PRKAG2: variants seen among roughly 807,000 people sequenced by gnomAD.
PRKAG2 encodes protein kinase AMP-activated non-catalytic subunit gamma 2, also known as 5'-AMP-activated protein kinase subunit gamma-2.
Under a neutral mutation model 69.6 loss-of-function variants are expected in PRKAG2, and 26 were observed. The ratio of observed to expected loss-of-function variants is 0.37; its 90% CI spans 0.27 to 0.52. The LOEUF is 0.52. Among genes scored for constraint, PRKAG2 ranks in the 20% least tolerant of loss-of-function variants. PRKAG2 has a pLI of 0.90. For synonymous variants in PRKAG2, 293 were observed against 285.0 expected, an observed-to-expected ratio of 1.03 and a Z score of -0.28; for missense variants, 557 against 740.0, an observed-to-expected ratio of 0.75 and a Z score of 2.87.
Position 151,632,358 on chromosome 7 carries a change from C to G in PRKAG2, c.685-220G>C, listed in dbSNP as rs1366944379. On this transcript the variant is annotated intron_variant, in intron 4 of 15. Transcript: ENST00000287878. The surrounding 1 kb of genome is among the most constrained non-coding windows in gnomAD (Gnocchi z 4.2). ...CGCCGCAGGTGGCGCGGCCGCGGCC[C>G]GCGTGCCCCTCCGCGAGTGGGACGC... 1.9e-6 allele frequency: 1 copy of G among 528,310 alleles called. No individual in the cohort carries two copies. The highest frequency in any genetic ancestry group is 8.1e-5 in the South Asian group (1 of 12,344). The allele number at this position is 528,310 out of a possible 1,614,324, so 32.7% of individuals were successfully genotyped here.
chr7:151,654,486 C>G (rs968412648), intron 4 of PRKAG2, among the ~76,000 whole-genome samples: 1 of 152,194 alleles, frequency 6.6e-6, no homozygotes, highest in Non-Finnish European at 1.5e-5. Flanking sequence ...TTTGCTATGT[C>G]AATATTCAAG....
chr7:151,587,872 T>C (rs1311862976), intron 6 of PRKAG2, among the ~76,000 whole-genome samples: 1 of 152,170 alleles, frequency 6.6e-6, no homozygotes, highest in Non-Finnish European at 1.5e-5. Context: ...CAAATAACCA[T>C]GTATCAATAT....
rs190487120 is a variant in PRKAG2, at chr7:151,613,511, T to A, written c.755-18057A>T. Among the ~76,000 whole-genome samples, 20 of 152,308 alleles carry A rather than the reference T, an allele frequency of 1.3e-4. No individual in the cohort carries two copies. In the East Asian group the frequency reaches 1.4e-3, roughly 10 times the overall value. ...AGCATTTTGGTTTTTATTTTATATA[T>A]GTTTGAGATGGAGTCTCGTTCTGTC... On this transcript the variant is annotated intron_variant, in intron 5 of 15. Transcript: ENST00000287878.
rs146925409 is a variant in PRKAG2 at position 151,600,577 on chromosome 7, T to G, written c.755-5123A>C. Among the ~76,000 whole-genome samples, 7 of 152,290 alleles carry G rather than the reference T, an allele frequency of 4.6e-5. No individual in the cohort carries two copies. The East Asian group carries it at 1.4e-3, about 29-fold the overall frequency. On this transcript the variant is annotated intron_variant, in intron 5 of 15. Coordinates refer to ENST00000287878, the MANE Select transcript of PRKAG2 (RefSeq NM_016203.4). Reference sequence around the variant, plus strand: ...CCTGGATATTTCTCTCTCAAATGTCTCCCTCCTGATGTGGAATAAATTCCA... The same window carrying G: ...CCTGGATATTTCTCTCTCAAATGTCGCCCTCCTGATGTGGAATAAATTCCA...
intron 3 of PRKAG2, among the ~76,000 whole-genome samples, chr7:151,721,055 G>T (rs1797007939): frequency 6.9e-6 from 1 of 145,952 alleles, no homozygotes; most frequent in Non-Finnish European, 1.5e-5. Context: ...AGGGTGGAGG[G>T]GCATGAAGGG....
chr7:151,723,328 G>A (rs1423528856), intron 3 of PRKAG2, among the ~76,000 whole-genome samples: 2 of 152,152 alleles, frequency 1.3e-5, no homozygotes, highest in Non-Finnish European at 2.9e-5. Context: ...TCTGGGTCTG[G>A]AAACTGGCTC....
At chr7:151,803,017 G>T (rs2077924436) in intron 1 of PRKAG2, among the ~76,000 whole-genome samples, 1 of 151,630 alleles carries the variant, frequency 6.6e-6, no homozygotes, top group South Asian at 2.1e-4. Context: ...GAGCGCAGTG[G>T]TGTGATCTCA....
rs939016196 is a variant in PRKAG2, at chr7:151,814,401, C to T, written c.115-27860G>A. ...ACTATGCATTTAGAAAGCCAGCTCC[C>T]GCAGGTCTGCTTACTCAGCCCCAAG... On this transcript the variant is annotated intron_variant, in intron 1 of 15. Coordinates refer to ENST00000287878, the MANE Select transcript of PRKAG2 (RefSeq NM_016203.4). The surrounding 1 kb of genome is among the most constrained non-coding windows in gnomAD (Gnocchi z 4.8). 1.9e-5 allele frequency: 23 copies of T among 1,224,054 alleles called. No homozygotes were observed. In the African/African-American group the frequency reaches 2.0e-4, roughly 11 times the overall value. 75.8% of individuals were successfully genotyped at this position (1,224,054 alleles called of 1,614,324 possible). A position where few individuals can be genotyped will look rare whatever the true frequency, so the allele number is the denominator to read the frequency against.
intron 1 of PRKAG2, chr7:151,809,902 G>A (rs2078327818): frequency 6.6e-6 from 1 of 152,254 alleles, no homozygotes; most frequent in African/African-American, 2.4e-5. Flanking sequence ...ACGGTTTTGG[G>A]AAAGTGCCAG....
At chr7:151,858,935 C>T (rs1009529907) in intron 1 of PRKAG2, among the ~76,000 whole-genome samples, 5 of 152,188 alleles carry the variant, frequency 3.3e-5, no homozygotes, top group African/African-American at 1.2e-4. Flanking sequence ...CCCTAGGAGG[C>T]CCCTCTTCCT....
chr7:151,864,921 T>C (rs1423728450), intron 1 of PRKAG2, among the ~76,000 whole-genome samples: 3 of 152,204 alleles, frequency 2.0e-5, no homozygotes, highest in Non-Finnish European at 4.4e-5. Flanking sequence ...AGTGTATATA[T>C]GTATATTACA....
chr7:151,764,509 T>C (rs1366995491), intron 3 of PRKAG2, among the ~76,000 whole-genome samples: 2 of 152,222 alleles, frequency 1.3e-5, no homozygotes, highest in African/African-American at 4.8e-5. Context: ...ACTTTCTGAC[T>C]GTCCACCCCC....
At chr7:151,571,320 G>A (rs985560277) in intron 9 of PRKAG2, among the ~76,000 whole-genome samples, 19 of 151,898 alleles carry the variant, frequency 1.3e-4, no homozygotes, top group East Asian at 1.2e-3. Flanking sequence ...TGATCCACCC[G>A]CCTCGGCTTC....
intron 3 of PRKAG2, among the ~76,000 whole-genome samples, chr7:151,693,528 A>G (rs1836048107): frequency 6.6e-6 from 1 of 152,252 alleles, no homozygotes; most frequent in African/African-American, 2.4e-5. Context: ...TAGCTTTAAA[A>G]GTTGTGTTTT....
intron 1 of PRKAG2, among the ~76,000 whole-genome samples, chr7:151,816,835 C>T (rs1018290600): frequency 2.0e-5 from 3 of 152,114 alleles, no homozygotes; most frequent in Non-Finnish European, 4.4e-5. Context: ...AGCATACATA[C>T]GAGCCTGAGG....
intron 4 of PRKAG2, among the ~76,000 whole-genome samples, chr7:151,664,300 T>C (rs1006955436): frequency 6.6e-6 from 1 of 152,158 alleles, no homozygotes; most frequent in Non-Finnish European, 1.5e-5. Flanking sequence ...CATTTGAGCC[T>C]CACAGCAACC....
intron 1 of PRKAG2, among the ~76,000 whole-genome samples, chr7:151,865,974 C>T (rs376028213): frequency 1.6e-4 from 24 of 147,570 alleles, no homozygotes; most frequent in South Asian, 1.1e-3. Flanking sequence ...GAGCGGAGAT[C>T]GCACCACTGC....
chr7:151,714,048 G>A (rs1377746343), intron 3 of PRKAG2, among the ~76,000 whole-genome samples: 1 of 152,144 alleles, frequency 6.6e-6, no homozygotes, highest in Admixed American at 6.5e-5. Flanking sequence ...TCAAGTGTGG[G>A]GGGTCACTGG....
chr7:151,803,016 G>A (rs892122709), intron 1 of PRKAG2, among the ~76,000 whole-genome samples: 4 of 151,360 alleles, frequency 2.6e-5, no homozygotes, highest in South Asian at 2.1e-4. Context: ...GGAGCGCAGT[G>A]GTGTGATCTC....
Sources: gnomAD v4.1 joint callset for allele counts (sites outside exome capture counted in the v4.1 genomes callset) on GRCh38, gnomAD v4.1.1 for gene constraint, Gnocchi (gnomAD v3.1) non-coding constraint, MANE v1.5 for transcripts, NCBI Gene and HGNC (gene_info 2026-07-23, HGNC 2026-07-21) for gene names.